LUZP1: variants seen among roughly 807,000 people sequenced by gnomAD.
LUZP1 encodes the protein filamin mechanobinding actin cross-linking protein.
Under a neutral mutation model 71.3 loss-of-function variants are expected in LUZP1, and 25 were observed. The ratio of observed to expected loss-of-function variants is 0.35; its 90% CI spans 0.26 to 0.49. The LOEUF is 0.49. Ranked by LOEUF, LUZP1 falls within the 20% of genes least tolerant of loss-of-function variation. The probability of loss-of-function intolerance (pLI) is 0.99; values close to 1 mark genes in which losing one functional copy is unlikely to be tolerated. For synonymous variants in LUZP1, 481 were observed against 506.4 expected, an observed-to-expected ratio of 0.95 and a Z score of 0.67; for missense variants, 1,142 against 1,300.8, an observed-to-expected ratio of 0.88 and a Z score of 1.88.
chr1:23,160,621 A>C (rs1240183083), intron 2 of LUZP1, among the ~76,000 whole-genome samples: 1 of 152,204 alleles, frequency 6.6e-6, no homozygotes, highest in East Asian at 1.9e-4. Context: ...CCAAGTTAAT[A>C]AGCTTAAGAA....
intron 3 of LUZP1, among the ~76,000 whole-genome samples, chr1:23,103,883 AGAGG>A (rs1557641259): frequency 1.4e-4 from 1 of 7,336 alleles, no homozygotes; most frequent in African/African-American, 8.6e-4. Flanking sequence ...AGGGAGGGAG[AGAGG>A]GAGAGAGGGA....
chr1:23,130,264 G>A (rs953140832), intron 2 of LUZP1, among the ~76,000 whole-genome samples: 2 of 151,838 alleles, frequency 1.3e-5, no homozygotes, highest in South Asian at 2.1e-4. Flanking sequence ...ACTGACATTC[G>A]GTATATAAGC....
At chr1:23,117,500 G>A (rs1181096792) in intron 2 of LUZP1, among the ~76,000 whole-genome samples, 3 of 31,316 alleles carry the variant, frequency 9.6e-5, no homozygotes, top group African/African-American at 4.4e-4. Context: ...CCACAATCAG[G>A]AAGCCCTGGG....
intron 2 of LUZP1, among the ~76,000 whole-genome samples, chr1:23,150,466 G>C (rs546382647): frequency 6.6e-6 from 1 of 152,130 alleles, no homozygotes; most frequent in Admixed American, 6.5e-5. Context: ...TATGGGTTAG[G>C]AGATGGAAGA....
intron 2 of LUZP1, among the ~76,000 whole-genome samples, chr1:23,116,382 A>T (rs1300994374): frequency 2.0e-5 from 3 of 152,100 alleles, no homozygotes; most frequent in African/African-American, 7.2e-5. Flanking sequence ...TTGGCCAGGC[A>T]TGGTGGTATA....
At chr1:23,159,093 C>G (rs745610008) in intron 2 of LUZP1, among the ~76,000 whole-genome samples, 1 of 152,076 alleles carries the variant, frequency 6.6e-6, no homozygotes, top group South Asian at 2.1e-4. Flanking sequence ...GTAACCCCAG[C>G]ACTTTGGGAG....
At chr1:23,120,371 CAT>C (rs904089842) in intron 2 of LUZP1, among the ~76,000 whole-genome samples, 1 of 148,802 alleles carries the variant, frequency 6.7e-6, no homozygotes, top group Non-Finnish European at 1.5e-5. Flanking sequence ...AATAAATAAA[CAT>C]ATATATATGG....
chr1:23,135,443 T>G (rs1040890492), intron 2 of LUZP1, among the ~76,000 whole-genome samples: 1 of 152,194 alleles, frequency 6.6e-6, no homozygotes, highest in Non-Finnish European at 1.5e-5. Flanking sequence ...TGGAGTTGGG[T>G]AGACTTCAGA....
At chr1:23,142,742 C>T (rs1644315094) in intron 2 of LUZP1, among the ~76,000 whole-genome samples, 1 of 144,696 alleles carries the variant, frequency 6.9e-6, no homozygotes, top group Non-Finnish European at 1.5e-5. Context: ...CACACACACA[C>T]ACACACACAG....
At chr1:23,097,447 G>A (rs913642060) in intron 3 of LUZP1, among the ~76,000 whole-genome samples, 4 of 152,168 alleles carry the variant, frequency 2.6e-5, no homozygotes, top group South Asian at 2.1e-4. Context: ...CAGTACATGC[G>A]TTCCAAGAGC....
intron 4 of LUZP1, chr1:23,090,875 C>G: frequency 1.4e-6 from 1 of 717,742 alleles, no homozygotes; most frequent in Admixed American, 2.0e-5. Flanking sequence ...TTCTGAGGGC[C>G]TACGGGGAGC....
At chr1:23,132,405 C>T (rs1007550312) in intron 2 of LUZP1, among the ~76,000 whole-genome samples, 2 of 151,816 alleles carry the variant, frequency 1.3e-5, no homozygotes, top group African/African-American at 4.8e-5. Flanking sequence ...ACCATATAAA[C>T]GTACTAGTTA....
exon 4 of LUZP1, chr1:23,092,495 C>T: frequency 6.2e-7 from 1 of 1,614,232 alleles, no homozygotes; most frequent in Non-Finnish European, 8.5e-7. Flanking sequence ...TGTTATCAGC[C>T]TCAAGGCCAT....
At chr1:23,109,898 A>C (rs1557646830) in intron 2 of LUZP1, among the ~76,000 whole-genome samples, 1 of 152,230 alleles carries the variant, frequency 6.6e-6, no homozygotes, top group Non-Finnish European at 1.5e-5. Flanking sequence ...TGAGTCACAC[A>C]ATTATTTAGC....
intron 3 of LUZP1, among the ~76,000 whole-genome samples, chr1:23,097,221 G>A (rs377477559): frequency 1.2e-4 from 18 of 152,184 alleles, no homozygotes; most frequent in African/African-American, 4.3e-4. Flanking sequence ...TGTTGCACTG[G>A]GGGTTACGTT....
intron 2 of LUZP1, among the ~76,000 whole-genome samples, chr1:23,162,413 TA>T (rs1487062634): frequency 6.6e-6 from 1 of 152,090 alleles, no homozygotes; most frequent in Non-Finnish European, 1.5e-5. Flanking sequence ...ACTTCAATCA[TA>T]AAGTTTTTAA....
intron 3 of LUZP1, among the ~76,000 whole-genome samples, chr1:23,102,729 C>G (rs1208931): frequency 0.84 from 128,246 of 151,964 alleles, 54,444 homozygotes; most frequent in Middle Eastern, 0.89. Context: ...GTAAGATGAG[C>G]GGGGAGGATT....
At chr1:23,127,744 T>C (rs999330271) in intron 2 of LUZP1, among the ~76,000 whole-genome samples, 15 of 152,136 alleles carry the variant, frequency 9.9e-5, no homozygotes, top group Non-Finnish European at 2.9e-5. Flanking sequence ...AGGATGGTCT[T>C]GATCTCCTGA....
At chr1:23,128,838 T>C (rs1231593082) in intron 2 of LUZP1, among the ~76,000 whole-genome samples, 1 of 152,256 alleles carries the variant, frequency 6.6e-6, no homozygotes, top group Non-Finnish European at 1.5e-5. Flanking sequence ...GGCACTTATC[T>C]ATTCAGAACA....
Sources: allele counts gnomAD v4.1 joint callset (sites outside exome capture counted in the v4.1 genomes callset), GRCh38; gene constraint gnomAD v4.1.1; transcripts MANE v1.5; gene names NCBI Gene and HGNC (gene_info 2026-07-23, HGNC 2026-07-21).